DIP2C: variants seen among roughly 807,000 people sequenced by gnomAD.
DIP2C encodes DIP2 acetate--CoA ligase C (putative).
DIP2C carries 33 observed loss-of-function variants against 192.4 expected under a neutral mutation model. The ratio of observed to expected loss-of-function variants is 0.17; its 90% CI spans 0.13 to 0.23. The LOEUF (loss-of-function observed/expected upper bound fraction) is 0.23. Ranked by LOEUF, DIP2C falls within the 10% of genes least tolerant of loss-of-function variation. The pLI, the probability that DIP2C is intolerant of heterozygous loss-of-function variation, is 1.00. For missense variants in DIP2C, 1,537 were observed against 2,110.1 expected, an observed-to-expected ratio of 0.73 and a Z score of 5.32; for synonymous variants, 979 against 864.1, an observed-to-expected ratio of 1.13 and a Z score of -2.33.
At chr10:340,140 C>T (rs1222366704) in intron 29 of DIP2C, among the ~76,000 whole-genome samples, 1 of 150,588 alleles carries the variant, frequency 6.6e-6, no homozygotes, top group Non-Finnish European at 1.5e-5. Context: ...GAGATTGTGG[C>T]ACTGCACTTC....
intron 1 of DIP2C, among the ~76,000 whole-genome samples, chr10:551,235 A>G (rs1235888086): frequency 6.6e-6 from 1 of 151,980 alleles, no homozygotes; most frequent in Non-Finnish European, 1.5e-5. Flanking sequence ...GCTTCTCAAC[A>G]TCGTCCACGT....
chr10:298,233 G>A (rs187380757), intron 32 of DIP2C, among the ~76,000 whole-genome samples: 3 of 152,298 alleles, frequency 2.0e-5, no homozygotes, highest in South Asian at 2.1e-4. Context: ...CTGTTTTGCT[G>A]ACCTTGACGG....
intron 1 of DIP2C, among the ~76,000 whole-genome samples, chr10:556,479 G>A (rs1848879730): frequency 6.7e-6 from 1 of 148,928 alleles, no homozygotes; most frequent in Non-Finnish European, 1.5e-5. Context: ...CACACGCCCT[G>A]GCAGCGGCCA....
At chr10:479,218 T>C (rs1431489119) in intron 2 of DIP2C, among the ~76,000 whole-genome samples, 2 of 151,902 alleles carry the variant, frequency 1.3e-5, no homozygotes, top group African/African-American at 4.8e-5. Flanking sequence ...TAAACACTGG[T>C]AAGAAATTTA....
At chr10:620,477 G>A (rs1038376498) in intron 1 of DIP2C, among the ~76,000 whole-genome samples, 44 of 152,326 alleles carry the variant, frequency 2.9e-4, no homozygotes, top group African/African-American at 3.6e-4. Context: ...GGGCAGATAC[G>A]GAGGGAGAAG....
At chr10:658,368 G>A (rs1051166770) in intron 1 of DIP2C, among the ~76,000 whole-genome samples, 3 of 144,638 alleles carry the variant, frequency 2.1e-5, no homozygotes, top group East Asian at 2.0e-4. Context: ...TGGACCTGCC[G>A]CTGGACCTGA....
intron 17 of DIP2C, among the ~76,000 whole-genome samples, chr10:377,239 T>C (rs956617018): frequency 1.3e-5 from 2 of 151,858 alleles, no homozygotes; most frequent in African/African-American, 4.8e-5. Flanking sequence ...TTACAAACTC[T>C]TTCTCATAAG....
intron 3 of DIP2C, among the ~76,000 whole-genome samples, chr10:463,926 G>C (rs1468599338): frequency 6.6e-6 from 1 of 152,028 alleles, no homozygotes; most frequent in African/African-American, 2.4e-5. Flanking sequence ...TGGTGTTGGG[G>C]AAACAGGCTA....
chr10:650,253 G>C, intron 1 of DIP2C: 1 of 717,080 alleles, frequency 1.4e-6, no homozygotes, highest in Non-Finnish European at 2.6e-6. Context: ...TCAGGAGACA[G>C]CTGGCCCGAG....
intron 1 of DIP2C, among the ~76,000 whole-genome samples, chr10:542,940 GTTCTT>G (rs1477149752): frequency 6.6e-6 from 1 of 152,202 alleles, no homozygotes; most frequent in Non-Finnish European, 1.5e-5. Flanking sequence ...TCAGATTCTA[GTTCTT>G]TTCTAAGCCC....
chr10:589,775 C>T (rs1851296145), intron 1 of DIP2C, among the ~76,000 whole-genome samples: 1 of 152,058 alleles, frequency 6.6e-6, no homozygotes, highest in Non-Finnish European at 1.5e-5. Context: ...GAGGCACTGC[C>T]CTATGCAGAG....
chr10:318,106 G>GT (rs1409716612), intron 31 of DIP2C, among the ~76,000 whole-genome samples: 1 of 152,172 alleles, frequency 6.6e-6, no homozygotes, highest in Non-Finnish European at 1.5e-5. Context: ...ATGGAGATGC[G>GT]TAAGGGCAGG....
intron 17 of DIP2C, among the ~76,000 whole-genome samples, chr10:376,241 C>CGACCTCG (rs1961565786): frequency 6.6e-6 from 1 of 152,034 alleles, no homozygotes; most frequent in South Asian, 2.1e-4. Context: ...GGACCCAGGC[C>CGACCTCG]GACCTCGGCC....
intron 1 of DIP2C, among the ~76,000 whole-genome samples, chr10:659,056 AAC>A: frequency 6.6e-6 from 1 of 152,338 alleles, no homozygotes; most frequent in South Asian, 2.1e-4. Context: ...ACCAACATGT[AAC>A]ACATACATGC....
At chr10:314,337 CCGT>C (rs1956685034) in intron 31 of DIP2C, among the ~76,000 whole-genome samples, 1 of 152,190 alleles carries the variant, frequency 6.6e-6, no homozygotes. Context: ...GTGCAGCCCT[CCGT>C]CGTCCTCCCT....
At chr10:531,364 G>T (rs917226189) in intron 1 of DIP2C, among the ~76,000 whole-genome samples, 1 of 151,978 alleles carries the variant, frequency 6.6e-6, no homozygotes, top group African/African-American at 2.4e-5. Flanking sequence ...CTCCCCTCCT[G>T]AGGGGCGTGT....
chr10:349,910 A>C (rs1317786897), intron 24 of DIP2C, among the ~76,000 whole-genome samples: 1 of 152,206 alleles, frequency 6.6e-6, no homozygotes, highest in Non-Finnish European at 1.5e-5. Flanking sequence ...AAAGCAAAAA[A>C]CAAAAGCAAA....
intron 31 of DIP2C, among the ~76,000 whole-genome samples, chr10:319,027 C>T (rs1956892640): frequency 6.6e-6 from 1 of 152,122 alleles, no homozygotes; most frequent in African/African-American, 2.4e-5. Context: ...ATTCCCCTGC[C>T]TCAGCCTCCC....
chr10:637,323 AG>A (rs1854893485), intron 1 of DIP2C, among the ~76,000 whole-genome samples: 1 of 151,518 alleles, frequency 6.6e-6, no homozygotes, highest in African/African-American at 2.4e-5. Flanking sequence ...GACAAACAAC[AG>A]AAAATTCACA....
Sources: gnomAD v4.1 joint callset for allele counts (sites outside exome capture counted in the v4.1 genomes callset) on GRCh38, gnomAD v4.1.1 for gene constraint, MANE v1.5 for transcripts, NCBI Gene and HGNC (gene_info 2026-07-23, HGNC 2026-07-21) for gene names.